Variants in ATM observed in about 807,000 individuals in gnomAD.
The protein encoded by ATM is serine-protein kinase ATM.
A neutral mutation model predicts 387.0 loss-of-function variants in ATM; 308 were observed. The observed-to-expected ratio is 0.80, with a 90% confidence interval of 0.73 to 0.87. The LOEUF is 0.87. Among genes scored for constraint, ATM ranks in the 40% least tolerant of loss-of-function variants. The pLI is 0.00. For synonymous variants in ATM, 1,156 were observed against 1,187.3 expected (o/e 0.97, Z 0.54); for missense variants, 3,312 against 3,560.9 (o/e 0.93, Z 1.78).
intron 55 of ATM, among the ~76,000 whole-genome samples, chr11:108,335,565 C>T (rs2086748492): frequency 6.6e-6 from 1 of 152,130 alleles, no homozygotes; most frequent in Non-Finnish European, 1.5e-5. Context: ...TGGAAAGACA[C>T]AGTGCTGTTT....
chr11:108,347,515 T>C, intron 59 of ATM, 150 bp downstream of exon 59: 1 of 672,750 alleles, frequency 1.5e-6, no homozygotes, highest in South Asian at 1.9e-5. Context: ...TAAACAGTTG[T>C]CCTAGAAGAA....
chr11:108,311,532 C>G (rs1283203906), intron 39 of ATM, among the ~76,000 whole-genome samples: 1 of 151,940 alleles, frequency 6.6e-6, no homozygotes, highest in Non-Finnish European at 1.5e-5. Context: ...CTCAGCTCTA[C>G]TAAAAATAAA....
In ATM at chr11:108,365,150, G is replaced by A. The variant is rs786203613; in HGVS notation, c.8919G>A (p.Arg2973=). ...NPLKALYLQQ[R]PEDETELHPT... is the part of the protein sequence containing the mutation. The stretch of plus-strand genomic sequence containing the variant: ...TGAAAGCTTTGTATTTACAGCAGAG[G>A]CCGGAAGATGAAACTGAGCTTCACC... Residue 2973 remains arginine, a synonymous_variant, in exon 62 of 63, where the codon AGG becomes AGA. Transcript: ENST00000675843. The A allele has an allele frequency of 1.2e-6, 2 of 1,614,182 alleles. No individual in the cohort carries two copies. Among genetic ancestry groups the A allele is most frequent in the Non-Finnish European group, 1.7e-6 (2 of 1,180,034 alleles).
rs4988060 is a variant in ATM, at chr11:108,308,382, CTTTAT to C, written c.5762+403_5762+407del. On this transcript the variant is annotated intron_variant, in intron 38 of 62. Transcript: ENST00000675843. ...TTGTGTAAATGTCTTCTTTATGTAT[CTTTAT>C]TTTAAGATGTAAGTTTCTTTACTGT... 7.5e-3 allele frequency: 1,826 copies of C among 242,774 alleles called. 40 individuals carry two copies. Among genetic ancestry groups the C allele is most frequent in the African/African-American group, 0.04 (1,711 of 42,970 alleles). The allele number at this position is 242,774 out of a possible 1,614,324, so 15.0% of individuals were successfully genotyped here. A position where few individuals can be genotyped will look rare whatever the true frequency, so the allele number is the denominator to read the frequency against.
chr11:108,305,574 G>A lies in ATM; in HGVS notation c.5674+722G>A, dbSNP rs4988049. On this transcript the variant is annotated intron_variant, in intron 37 of 62. Transcript: ENST00000675843. ...TGCATTCCAGACTGAACGACACAGC[G>A]AGACTGTCTAAAAAAAGAAAAAAAA... Among the ~76,000 whole-genome samples the A allele has an allele frequency of 3.7e-4, 57 of 152,086 alleles. No homozygotes were observed. In the East Asian group the frequency reaches 9.7e-3, roughly 26 times the overall value.
intron 38 of ATM, among the ~76,000 whole-genome samples, chr11:108,309,295 G>A (rs1228123709): frequency 2.0e-5 from 3 of 152,104 alleles, no homozygotes; most frequent in Non-Finnish European, 2.9e-5. Flanking sequence ...CTTTCCATGG[G>A]GAAATTATTT....
At chr11:108,359,055 C>A (rs2090387179) in intron 61 of ATM, among the ~76,000 whole-genome samples, 1 of 149,208 alleles carries the variant, frequency 6.7e-6, no homozygotes, top group African/African-American at 2.5e-5. Context: ...AAACCCATCT[C>A]ACGTGCAGAG....
At chr11:108,266,577 T>C (rs956331170) in intron 16 of ATM, among the ~76,000 whole-genome samples, 75 of 151,640 alleles carry the variant, frequency 4.9e-4, no homozygotes, top group South Asian at 1.5e-3. Context: ...ATGGCACATG[T>C]ATACATATGT....
chr11:108,367,144 C>G lies in ATM; in HGVS notation c.*1636C>G, dbSNP rs746849580. On this transcript the variant is annotated 3_prime_UTR_variant, in exon 63 of 63. Coordinates refer to ENST00000675843, the MANE Select transcript of ATM (RefSeq NM_000051.4). ...CTGGGACTACAGGCGTGTGCCAACA[C>G]GCCCGGCTAATTTTTTGTATTTTTA... 5.6e-6 allele frequency: 1 copy of G among 178,608 alleles called. No individual in the cohort carries two copies. The highest frequency in any genetic ancestry group is 1.2e-5 in the Non-Finnish European group (1 of 83,236). The allele number at this position is 178,608 out of a possible 1,614,324, so 11.1% of individuals were successfully genotyped here. A position where few individuals can be genotyped will look rare whatever the true frequency, so the allele number is the denominator to read the frequency against.
intron 5 of ATM, among the ~76,000 whole-genome samples, chr11:108,242,768 C>T (rs532221474): frequency 2.0e-5 from 3 of 152,276 alleles, no homozygotes; most frequent in African/African-American, 7.2e-5. Context: ...TGTCCCATTT[C>T]ACCTTGCCTT....
At chr11:108,306,898 A>G (rs543359601) in intron 37 of ATM, among the ~76,000 whole-genome samples, 3 of 152,316 alleles carry the variant, frequency 2.0e-5, no homozygotes, top group South Asian at 4.1e-4. Flanking sequence ...CACGTATTTC[A>G]TCTGATTACC....
At chr11:108,267,505 C>G (rs1388007850) in intron 17 of ATM, among the ~76,000 whole-genome samples, 163 bp downstream of exon 17, 2 of 150,654 alleles carry the variant, frequency 1.3e-5, no homozygotes, top group East Asian at 3.9e-4. Context: ...TTTATTTTTA[C>G]TTGAATTTAT....
In ATM at chr11:108,287,721, T is replaced by C. The variant is rs368606937; in HGVS notation, c.4109+6T>C. 77 of 1,600,506 alleles carry C rather than the reference T, an allele frequency of 4.8e-5. No individual in the cohort carries two copies. Among genetic ancestry groups the C allele is most frequent in the Admixed American group, 6.7e-5 (4 of 59,958 alleles). On this transcript the variant is annotated splice_donor_region_variant and intron_variant, in intron 27 of 62. Coordinates refer to ENST00000675843, the MANE Select transcript of ATM (RefSeq NM_000051.4). ...GACCTCTGTGACTTTTCAGGGTATG[T>C]ACATTTTAAACTTAGAGAACTAGCT...
At position 108,288,661 on chromosome 11, in the gene ATM, G is replaced by C. The variant is rs2082623645; in HGVS notation, c.4110-316G>C. 2.0e-5 allele frequency among the ~76,000 whole-genome samples: 3 copies of C among 151,898 alleles called. No homozygotes were observed. In the South Asian group the frequency reaches 6.2e-4, roughly 32 times the overall value. ...TTTTACAGTACTGGCATAGAGCTTT[G>C]ATTCTGATCTGAAGTAATACTGAGG... On this transcript the variant is annotated intron_variant, in intron 27 of 62. Coordinates refer to ENST00000675843, the MANE Select transcript of ATM (RefSeq NM_000051.4).
rs1323675187 is a variant in ATM, at chr11:108,259,000, G to A, written c.2391G>A (p.Lys797=). 6.2e-7 allele frequency: 1 copy of A among 1,613,638 alleles called. No individual in the cohort carries two copies. Among genetic ancestry groups the A allele is most frequent in the South Asian group, 1.1e-5 (1 of 91,074 alleles). Residue 797 remains lysine (K), a synonymous_variant, in exon 16 of 63, where the codon AAG becomes AAA. Transcript: ENST00000675843. ...CTTAATTGCAGAAGAGTCCAAATAA[G>A]ATTGCATCTGGCTTTTTCCTGCGAT... ...LSNCTKKSPN[K]IASGFFLRLL...
At chr11:108,256,525 A>G (rs1252551415) in intron 14 of ATM, among the ~76,000 whole-genome samples, 185 bp downstream of exon 14, 1 of 152,004 alleles carries the variant, frequency 6.6e-6, no homozygotes, top group Non-Finnish European at 1.5e-5. Flanking sequence ...TTAATTTTTA[A>G]TTATTATTAT....
chr11:108,227,958 TTTTG>T, intron 3 of ATM, 70 bp downstream of exon 3: 1 of 1,326,204 alleles, frequency 7.5e-7, no homozygotes, highest in South Asian at 1.2e-5. Flanking sequence ...GTGATATTAC[TTTTG>T]TGTGTAAGTC....
chr11:108,336,036 C>T, intron 56 of ATM, 75 bp downstream of exon 56: 2 of 1,141,192 alleles, frequency 1.8e-6, no homozygotes, highest in South Asian at 2.5e-5. Flanking sequence ...GTGGCTCATG[C>T]CCATATTCAT....
intron 61 of ATM, among the ~76,000 whole-genome samples, chr11:108,362,961 C>G (rs1417610435): frequency 6.6e-6 from 1 of 151,704 alleles, no homozygotes; most frequent in South Asian, 2.1e-4. Context: ...TTAAAAAAAA[C>G]TAAAAAAACA....
Sources: gnomAD v4.1 joint callset for allele counts (sites outside exome capture counted in the v4.1 genomes callset) on GRCh38, gnomAD v4.1.1 for gene constraint, MANE v1.5 for transcripts, NCBI Gene and HGNC (gene_info 2026-07-23, HGNC 2026-07-21) for gene names.